The following RTN4IP1 variants were observed in gnomAD, a reference collection of about 807,000 sequenced individuals.
RTN4IP1 encodes the protein reticulon 4 interacting protein 1.
A neutral mutation model predicts 46.6 loss-of-function variants in RTN4IP1; 32 were observed. The ratio of observed to expected loss-of-function variants is 0.69; its 90% CI spans 0.52 to 0.92. RTN4IP1 has a LOEUF of 0.92. Among genes scored for constraint, RTN4IP1 ranks in the 40% least tolerant of loss-of-function variants. The pLI, the probability that RTN4IP1 is intolerant of heterozygous loss-of-function variation, is 0.00. For synonymous variants in RTN4IP1, 167 were observed against 161.8 expected, an observed-to-expected ratio of 1.03 and a Z score of -0.24; for missense variants, 424 against 485.8, an observed-to-expected ratio of 0.87 and a Z score of 1.20.
At chr6:106,572,185 C>T (rs911293126) in intron 8 of RTN4IP1, 82 bp from the exon 9 acceptor site, 48 of 1,114,340 alleles carry the variant, frequency 4.3e-5, no homozygotes, top group South Asian at 3.0e-4. Flanking sequence ...AGTTTCTTGA[C>T]GGTGTCCCTC....
intron 1 of RTN4IP1, among the ~76,000 whole-genome samples, chr6:106,628,352 A>G (rs1776707725): frequency 6.6e-6 from 1 of 151,940 alleles, no homozygotes; most frequent in South Asian, 2.1e-4. Context: ...CTGTAATCCC[A>G]GCTACTCGGG....
intron 4 of RTN4IP1, among the ~76,000 whole-genome samples, chr6:106,611,641 C>T (rs1776228025): frequency 6.6e-6 from 1 of 152,082 alleles, no homozygotes; most frequent in Non-Finnish European, 1.5e-5. Context: ...GCATAATACG[C>T]CAGGTTTATT....
At chr6:106,626,854 C>A (rs1045944801) in intron 1 of RTN4IP1, among the ~76,000 whole-genome samples, 5 of 152,294 alleles carry the variant, frequency 3.3e-5, no homozygotes, top group Middle Eastern at 3.4e-3. Flanking sequence ...CTAAAGACAC[C>A]AAACTTTGTT....
intron 2 of RTN4IP1, among the ~76,000 whole-genome samples, chr6:106,622,096 A>C (rs1013989863): frequency 6.6e-6 from 1 of 151,508 alleles, no homozygotes; most frequent in Non-Finnish European, 1.5e-5. Context: ...TAAGTACTAA[A>C]CTTAGAAAAC....
chr6:106,614,064 G>T (rs187140069), intron 4 of RTN4IP1, among the ~76,000 whole-genome samples: 143 of 152,194 alleles, frequency 9.4e-4, no homozygotes, highest in African/African-American at 3.2e-3. Context: ...GACCACCTTG[G>T]GTGCATGTCA....
chr6:106,577,985 T>C (rs911197453), intron 8 of RTN4IP1, among the ~76,000 whole-genome samples: 2 of 152,208 alleles, frequency 1.3e-5, no homozygotes, highest in Non-Finnish European at 2.9e-5. Flanking sequence ...ACCACATTCA[T>C]AGTAATTTGT....
chr6:106,571,903 G>GA lies in RTN4IP1; in HGVS notation c.*92dup. The GA allele has an allele frequency of 2.6e-6, 2 of 774,314 alleles. No individual in the cohort carries two copies. The highest frequency in any genetic ancestry group is 4.4e-6 in the Non-Finnish European group (2 of 451,274). 48.0% of individuals were successfully genotyped at this position (774,314 alleles called of 1,614,324 possible). Reference sequence around the variant, plus strand: ...ATCATGGAATGTATAATCTAATCTGGAAAAATGTTTGAAAGGGATGGCTAG... The same window carrying GA: ...ATCATGGAATGTATAATCTAATCTGGAAAAAATGTTTGAAAGGGATGGCTAG... On this transcript the variant is annotated 3_prime_UTR_variant, in exon 9 of 9. Coordinates refer to ENST00000369063, the MANE Select transcript of RTN4IP1 (RefSeq NM_032730.5).
intron 5 of RTN4IP1, among the ~76,000 whole-genome samples, chr6:106,599,886 G>A (rs1187891667): frequency 6.7e-6 from 1 of 150,056 alleles, no homozygotes. Context: ...TTTAGTAGAT[G>A]CCAAATGGTT....
Position 106,592,210 on chromosome 6 carries a change from C to T in RTN4IP1, c.760G>A (p.Asp254Asn). The change falls in exon 6 of 9, where the codon GAT (aspartate) becomes AAT (asparagine). Residue 254 changes from aspartate (D) to asparagine (N), a missense_variant. Coordinates refer to ENST00000369063, the MANE Select transcript of RTN4IP1 (RefSeq NM_032730.5). ...VRKLGADDVIDYKSGSVEEQL... is the reference protein window; with the variant it reads ...VRKLGADDVINYKSGSVEEQL... ...TCTTCCACACTTCCAGATTTGTAAT[C>T]AATTACATCGTCTGCACCAAGCTTC... 6 of 1,614,086 alleles carry T rather than the reference C, an allele frequency of 3.7e-6. No homozygotes were observed. The highest frequency in any genetic ancestry group is 5.1e-6 in the Non-Finnish European group (6 of 1,180,016).
chr6:106,600,554 T>G (rs1775917836), intron 5 of RTN4IP1, among the ~76,000 whole-genome samples: 1 of 152,044 alleles, frequency 6.6e-6, no homozygotes, highest in Non-Finnish European at 1.5e-5. Flanking sequence ...CTCACACTCA[T>G]TACGTAGTCA....
At chr6:106,600,465 A>G (rs1383489158) in intron 5 of RTN4IP1, among the ~76,000 whole-genome samples, 1 of 152,276 alleles carries the variant, frequency 6.6e-6, no homozygotes, top group Non-Finnish European at 1.5e-5. Context: ...TAAAGTATAC[A>G]GTAGTCTCTA....
intron 8 of RTN4IP1, among the ~76,000 whole-genome samples, chr6:106,580,123 AGAATGGTGT>A (rs1279505699): frequency 8.0e-5 from 12 of 150,612 alleles, no homozygotes; most frequent in Non-Finnish European, 1.8e-4. Context: ...CTGAGGCAGG[AGAATGGTGT>A]GAACCCGGGA....
rs1331838041 is a variant in RTN4IP1 at position 106,570,909 on chromosome 6, A to C, written c.*1087T>G. ...AGGTCTACATCAAAAGTTACAAGCA[A>C]GCATATCAGGTGCAATACTGAGGAT... On this transcript the variant is annotated 3_prime_UTR_variant, in exon 9 of 9. Coordinates refer to ENST00000369063, the MANE Select transcript of RTN4IP1 (RefSeq NM_032730.5). 6.6e-6 allele frequency: 1 copy of C among 152,238 alleles called. No individual in the cohort carries two copies. The highest frequency in any genetic ancestry group is 6.5e-5 in the Admixed American group (1 of 15,278). 9.4% of individuals were successfully genotyped at this position (152,238 alleles called of 1,614,324 possible).
chr6:106,580,763 C>G (rs1775350985), intron 8 of RTN4IP1, among the ~76,000 whole-genome samples: 1 of 151,104 alleles, frequency 6.6e-6, no homozygotes, highest in South Asian at 2.1e-4. Context: ...ATGCATATCT[C>G]TTTTGACTCA....
chr6:106,615,476 T>C (rs981822762), intron 4 of RTN4IP1, among the ~76,000 whole-genome samples: 1 of 152,126 alleles, frequency 6.6e-6, no homozygotes, highest in Non-Finnish European at 1.5e-5. Flanking sequence ...GTGAAATTTA[T>C]TTTGTGGAGG....
At chr6:106,586,428 A>G (rs1775485660) in intron 7 of RTN4IP1, among the ~76,000 whole-genome samples, 1 of 151,768 alleles carries the variant, frequency 6.6e-6, no homozygotes, top group African/African-American at 2.4e-5. Context: ...AGGCTGCAGT[A>G]CAGTGGCACG....
chr6:106,605,450 G>T (rs975113107), intron 4 of RTN4IP1, among the ~76,000 whole-genome samples: 1 of 148,036 alleles, frequency 6.8e-6, no homozygotes, highest in African/African-American at 2.5e-5. Flanking sequence ...GTGCCTAACA[G>T]CCTCCACAAA....
intron 4 of RTN4IP1, among the ~76,000 whole-genome samples, chr6:106,615,840 A>G (rs888432731): frequency 6.6e-6 from 1 of 152,222 alleles, no homozygotes; most frequent in Non-Finnish European, 1.5e-5. Context: ...TAAGTTATCT[A>G]TGTGTTCCTA....
At chr6:106,620,061 T>C (rs986879170) in intron 3 of RTN4IP1, among the ~76,000 whole-genome samples, 9 of 151,960 alleles carry the variant, frequency 5.9e-5, no homozygotes. Context: ...AAGAATACAG[T>C]ATATAATATA....
Sources: gnomAD v4.1 joint callset for allele counts (sites outside exome capture counted in the v4.1 genomes callset) on GRCh38, gnomAD v4.1.1 for gene constraint, MANE v1.5 for transcripts, NCBI Gene and HGNC (gene_info 2026-07-23, HGNC 2026-07-21) for gene names.